ARVCF: variants seen among roughly 807,000 people sequenced by gnomAD.
The protein encoded by ARVCF is splicing regulator ARVCF.
ARVCF carries 66 observed loss-of-function variants against 90.9 expected under a neutral mutation model. The ratio of observed to expected loss-of-function variants is 0.73; its 90% CI spans 0.60 to 0.89. ARVCF has a LOEUF of 0.89. Among genes scored for constraint, ARVCF ranks in the 40% least tolerant of loss-of-function variants. The pLI is 0.00. For missense variants in ARVCF, 1,469 were observed against 1,382.3 expected, an observed-to-expected ratio of 1.06 and a Z score of -1.00; for synonymous variants, 653 against 603.4, an observed-to-expected ratio of 1.08 and a Z score of -1.21.
intron 12 of ARVCF, 115 bp from the exon 13 acceptor site, chr22:19,973,908 AC>A (rs1942997864): frequency 1.3e-6 from 2 of 1,496,338 alleles, no homozygotes; most frequent in South Asian, 2.6e-5. Flanking sequence ...ACAAAGCCCT[AC>A]CCCAAAAGCT....
At chr22:19,979,102 T>C (rs377754405) in intron 6 of ARVCF, 22 bp from the exon 7 acceptor site, 98 of 1,606,964 alleles carry the variant, frequency 6.1e-5, no homozygotes, top group Non-Finnish European at 7.9e-5. Context: ...GATTGGCCAA[T>C]CTGTGCTGAC....
intron 1 of ARVCF, among the ~76,000 whole-genome samples, chr22:20,015,129 T>C (rs1454421746): frequency 1.3e-5 from 2 of 152,166 alleles, no homozygotes; most frequent in African/African-American, 2.4e-5. Context: ...GTGTTTATGC[T>C]GAAAAGCCTG....
At chr22:19,988,154 C>T (rs1601629434) in intron 3 of ARVCF, among the ~76,000 whole-genome samples, 1 of 152,194 alleles carries the variant, frequency 6.6e-6, no homozygotes, top group East Asian at 1.9e-4. Flanking sequence ...GGGACCACTC[C>T]CTGCTGCCCT....
At chr22:20,006,536 G>A (rs954495291) in intron 2 of ARVCF, among the ~76,000 whole-genome samples, 13 of 147,790 alleles carry the variant, frequency 8.8e-5, no homozygotes, top group Admixed American at 1.3e-4. Context: ...CCGAGATCGC[G>A]CCACTGCACT....
chr22:20,001,174 G>A (rs1003552601), intron 2 of ARVCF, among the ~76,000 whole-genome samples: 1 of 152,096 alleles, frequency 6.6e-6, no homozygotes, highest in Non-Finnish European at 1.5e-5. Flanking sequence ...CTTGGACACC[G>A]GGCAAGGCAG....
intron 2 of ARVCF, among the ~76,000 whole-genome samples, chr22:19,992,791 TCTAGCAGGA>T (rs1198819817): frequency 1.3e-5 from 2 of 152,094 alleles, no homozygotes; most frequent in African/African-American, 4.8e-5. Flanking sequence ...CCATCCCCCA[TCTAGCAGGA>T]CCAGGCTTGG....
intron 1 of ARVCF, among the ~76,000 whole-genome samples, chr22:20,011,263 C>T (rs1333453670): frequency 6.6e-6 from 1 of 152,164 alleles, no homozygotes; most frequent in Non-Finnish European, 1.5e-5. Context: ...CTCCTTATAT[C>T]TAGGCCCGGG....
chr22:19,973,209 A>T lies in ARVCF; in HGVS notation c.2348T>A (p.Ile783Asn), dbSNP rs1417577489. Residue 783 changes from isoleucine (I) to asparagine (N), a missense_variant, in exon 14 of 20, where the codon ATC becomes AAC. Transcript: ENST00000263207. Reference protein sequence around the residue: ...EDTVVAVLNTIHEIVSDSLDN... With the variant: ...EDTVVAVLNTNHEIVSDSLDN... ...CAGGCTGTCGGACACGATTTCGTGG[A>T]TGGTGTTGAGCACCGCCACCACGGT... is the stretch of plus-strand genomic sequence containing the variant. 5 of 1,610,984 alleles carry T rather than the reference A, an allele frequency of 3.1e-6. No homozygotes were observed. Among genetic ancestry groups the T allele is most frequent in the Non-Finnish European group, 4.2e-6 (5 of 1,179,258 alleles).
chr22:19,996,303 T>C (rs1269556537), intron 2 of ARVCF, among the ~76,000 whole-genome samples: 1 of 150,870 alleles, frequency 6.6e-6, no homozygotes, highest in Non-Finnish European at 1.5e-5. Flanking sequence ...AATGAAACTT[T>C]CTGTATATCC....
intron 3 of ARVCF, among the ~76,000 whole-genome samples, chr22:19,985,020 A>G (rs1001107372): frequency 1.3e-5 from 2 of 152,082 alleles, no homozygotes; most frequent in Admixed American, 1.3e-4. Context: ...GTCTGGCCCC[A>G]GTGTCCATGT....
chr22:19,992,303 T>A (rs907814001), intron 2 of ARVCF, among the ~76,000 whole-genome samples: 1 of 152,208 alleles, frequency 6.6e-6, no homozygotes, highest in Non-Finnish European at 1.5e-5. Context: ...GGAGCTGTTT[T>A]AAGCCAGCCA....
At chr22:20,004,151 T>C (rs908222339) in intron 2 of ARVCF, among the ~76,000 whole-genome samples, 1 of 152,042 alleles carries the variant, frequency 6.6e-6, no homozygotes, top group African/African-American at 2.4e-5. Context: ...GAATACATAA[T>C]ACTAAACTTA....
chr22:20,006,236 T>C (rs918725115), intron 2 of ARVCF, among the ~76,000 whole-genome samples: 1 of 152,208 alleles, frequency 6.6e-6, no homozygotes. Context: ...GTTAAGATAG[T>C]AAATTTTGTT....
rs1942691368 is a variant in ARVCF at position 19,970,457 on chromosome 22, A to C, written c.*299T>G. 9.2e-7 allele frequency: 1 copy of C among 1,083,212 alleles called. No homozygotes were observed. The highest frequency in any genetic ancestry group is 1.7e-5 in the African/African-American group (1 of 57,654). The allele number at this position is 1,083,212 out of a possible 1,614,324, so 67.1% of individuals were successfully genotyped here. Reference sequence around the variant, plus strand: ...GCCCAGCCAGGCACCCTTCCCTGCCACCTCCCTGGGCCCTGCCCCAGCAGC... The same window carrying C: ...GCCCAGCCAGGCACCCTTCCCTGCCCCCTCCCTGGGCCCTGCCCCAGCAGC... On this transcript the variant is annotated 3_prime_UTR_variant, in exon 20 of 20. Coordinates refer to ENST00000263207, the MANE Select transcript of ARVCF (RefSeq NM_001670.3).
chr22:20,000,652 T>C (rs1353741003), intron 2 of ARVCF, among the ~76,000 whole-genome samples: 1 of 152,232 alleles, frequency 6.6e-6, no homozygotes, highest in Non-Finnish European at 1.5e-5. Flanking sequence ...ACGGTGTGAA[T>C]GCTAGTGTTC....
intron 1 of ARVCF, among the ~76,000 whole-genome samples, chr22:20,014,265 G>A (rs1420052861): frequency 6.6e-6 from 1 of 152,070 alleles, no homozygotes; most frequent in African/African-American, 2.4e-5. Context: ...TGTGATCTTG[G>A]CTCACTGCAA....
chr22:19,966,349 AGGGCTGCTTTGAGGAGGCCTCTCCACC>A (rs1942389480), downstream of ARVCF, among the ~76,000 whole-genome samples: 1 of 151,728 alleles, frequency 6.6e-6, no homozygotes, highest in African/African-American at 2.4e-5. Flanking sequence ...TTCAAAATCA[AGGGCTGCTTTGAGGAGGCCTCTCCACC>A]GGGCTGCTGT....
intron 3 of ARVCF, among the ~76,000 whole-genome samples, chr22:19,985,861 G>A (rs1943739814): frequency 6.6e-6 from 1 of 152,246 alleles, no homozygotes. Flanking sequence ...CAGAGGGCAG[G>A]AGGTGGCTGC....
At chr22:19,975,631 C>G in intron 11 of ARVCF, 55 bp downstream of exon 11, 1 of 1,599,644 alleles carries the variant, frequency 6.3e-7, no homozygotes, top group Non-Finnish European at 8.6e-7. Context: ...ACTACCAGGG[C>G]AATCCTGAGC....
Sources: allele counts gnomAD v4.1 joint callset (sites outside exome capture counted in the v4.1 genomes callset), GRCh38; gene constraint gnomAD v4.1.1; transcripts MANE v1.5; gene names NCBI Gene and HGNC (gene_info 2026-07-23, HGNC 2026-07-21).